Variants in OTUD4 observed in about 807,000 individuals in gnomAD.
The protein encoded by OTUD4 is OTU domain-containing protein 4.
A neutral mutation model predicts 130.4 loss-of-function variants in OTUD4; 24 were observed. The ratio of observed to expected loss-of-function variants is 0.18; its 90% CI spans 0.13 to 0.26. The LOEUF is 0.26. OTUD4 is among the 10% of genes least tolerant of loss of function. The pLI, the probability that OTUD4 is intolerant of heterozygous loss-of-function variation, is 1.00. For synonymous variants in OTUD4, 420 were observed against 472.5 expected (o/e 0.89, Z 1.44); for missense variants, 1,031 against 1,329.4 (o/e 0.78, Z 3.49).
At chr4:145,158,265 A>T (rs1356697785) in intron 7 of OTUD4, among the ~76,000 whole-genome samples, 2 of 152,122 alleles carry the variant, frequency 1.3e-5, no homozygotes, top group East Asian at 1.9e-4. Context: ...GGGTGATCAC[A>T]AGGTCAGGAG....
At chr4:145,167,914 A>G (rs1751957837) in intron 3 of OTUD4, among the ~76,000 whole-genome samples, 1 of 152,180 alleles carries the variant, frequency 6.6e-6, no homozygotes, top group South Asian at 2.1e-4. Flanking sequence ...CTACATGAGA[A>G]TAATGTACTT....
rs1369349888 is a variant in OTUD4 at position 145,139,983 on chromosome 4, T to C, written c.2092A>G (p.Ile698Val). The C allele has an allele frequency of 2.5e-6, 2 of 806,530 alleles. No homozygotes were observed. The allele number at this position is 806,530 out of a possible 1,614,324, so 50.0% of individuals were successfully genotyped here. A position where few individuals can be genotyped will look rare whatever the true frequency, so the allele number is the denominator to read the frequency against. ...CCAAGATTGAAGAAGAATCGAAGAATATTCTTATCTAAAAATAAAAGTAAT... is the reference window on the plus strand; with the variant it reads ...CCAAGATTGAAGAAGAATCGAAGAACATTCTTATCTAAAAATAAAAGTAAT... The part of the protein sequence containing the change: ...TGEDLPKDKN[I>V]LRFFFNLGVK... The change falls in exon 20 of 21, where the codon ATT becomes GTT. Residue 698 changes from isoleucine (I) to valine (V), a missense_variant. By Grantham distance (29) the Ile-to-Val change is conservative (BLOSUM62 3). Transcript: ENST00000447906.
At chr4:145,153,583 C>T (rs920525552) in intron 10 of OTUD4, among the ~76,000 whole-genome samples, 2 of 152,058 alleles carry the variant, frequency 1.3e-5, no homozygotes, top group Non-Finnish European at 2.9e-5. Flanking sequence ...GATTTTTATC[C>T]CTAAAAATAG....
intron 3 of OTUD4, among the ~76,000 whole-genome samples, chr4:145,165,829 G>A (rs893470598): frequency 2.6e-5 from 4 of 152,122 alleles, no homozygotes; most frequent in East Asian, 1.9e-4. Flanking sequence ...GCCCTCAGGA[G>A]AGCGCCTGGC....
intron 20 of OTUD4, among the ~76,000 whole-genome samples, chr4:145,139,043 A>G (rs767150870): frequency 6.6e-6 from 1 of 152,184 alleles, no homozygotes; most frequent in African/African-American, 2.4e-5. Context: ...ATGATCTCCA[A>G]TGTCAGGACT....
At chr4:145,173,158 G>C (rs762967089) in intron 2 of OTUD4, among the ~76,000 whole-genome samples, 1 of 152,144 alleles carries the variant, frequency 6.6e-6, no homozygotes, top group African/African-American at 2.4e-5. Flanking sequence ...TTGGGAGGCC[G>C]GGGCAGGCAG....
chr4:145,179,015 G>A (rs185473259), intron 1 of OTUD4, among the ~76,000 whole-genome samples: 1 of 151,950 alleles, frequency 6.6e-6, no homozygotes, highest in Non-Finnish European at 1.5e-5. Context: ...ATGGGTTTTG[G>A]TGACTGCACA....
At chr4:145,156,448 C>T (rs1425301166) in intron 7 of OTUD4, among the ~76,000 whole-genome samples, 1 of 152,198 alleles carries the variant, frequency 6.6e-6, no homozygotes, top group African/African-American at 2.4e-5. Context: ...CTTTGGGAGG[C>T]ACAGGCAGGC....
At chr4:145,170,651 G>A (rs187525087) in intron 3 of OTUD4, 1 of 152,294 alleles carries the variant, frequency 6.6e-6, no homozygotes, top group Non-Finnish European at 1.5e-5. Flanking sequence ...AGGGTGACTA[G>A]GAATTCTTGG....
rs36226188 is a variant in OTUD4 at position 145,152,044 on chromosome 4, A to C, written c.968+497T>G. Among the ~76,000 whole-genome samples the C allele has an allele frequency of 6.1e-3, 922 of 152,342 alleles. 10 individuals are homozygous for C. The highest frequency in any genetic ancestry group is 0.022 in the African/African-American group (895 of 41,568). Reference sequence around the variant, plus strand: ...TTAAACAGTAAGCAACAAAACAAATAATCTTCATTTAAAGTTTGACAATGT... The same window carrying C: ...TTAAACAGTAAGCAACAAAACAAATCATCTTCATTTAAAGTTTGACAATGT... On this transcript the variant is annotated intron_variant, in intron 11 of 20. Transcript: ENST00000447906.
chr4:145,144,165 T>C, intron 15 of OTUD4, 146 bp downstream of exon 15: 11 of 1,035,378 alleles, frequency 1.1e-5, no homozygotes, highest in African/African-American at 1.6e-5. Context: ...TTAGCTTGAG[T>C]CAATACTTCT....
At chr4:145,165,341 C>T (rs1751795738) in intron 3 of OTUD4, 144 bp from the exon 4 acceptor site, 2 of 531,300 alleles carry the variant, frequency 3.8e-6, no homozygotes, top group Non-Finnish European at 3.4e-6. Flanking sequence ...ATTATAAAAA[C>T]GTTTATATAA....
intron 14 of OTUD4, among the ~76,000 whole-genome samples, chr4:145,145,713 T>C (rs759825669): frequency 2.0e-5 from 3 of 152,190 alleles, no homozygotes; most frequent in Non-Finnish European, 2.9e-5. Context: ...ACATACTTCA[T>C]TCTACATGAG....
chr4:145,151,592 G>A (rs938510428), intron 11 of OTUD4, among the ~76,000 whole-genome samples: 3 of 152,040 alleles, frequency 2.0e-5, no homozygotes, highest in Admixed American at 6.5e-5. Flanking sequence ...CCAAAATTGC[G>A]CCATTGCACT....
Position 145,150,730 on chromosome 4 carries a change from T to A in OTUD4, c.1073-31A>T, listed in dbSNP as rs781352159. On this transcript the variant is annotated intron_variant, in intron 12 of 20. Transcript: ENST00000447906. ...GTAAGAACCCAAAAGTACATGATAATATTCATATTATAAACAATCCCAAGT... is the reference window on the plus strand; with the variant it reads ...GTAAGAACCCAAAAGTACATGATAAAATTCATATTATAAACAATCCCAAGT... The A allele has an allele frequency of 1.9e-6, 3 of 1,607,520 alleles. No homozygotes were observed. The South Asian group carries it at 3.3e-5, about 18-fold the overall frequency.
chr4:145,176,061 C>T (rs896735261), intron 1 of OTUD4, among the ~76,000 whole-genome samples: 1 of 146,798 alleles, frequency 6.8e-6, no homozygotes, highest in African/African-American at 2.5e-5. Context: ...TTTTCCGGCT[C>T]ATTTTTCTAT....
intron 6 of OTUD4, among the ~76,000 whole-genome samples, chr4:145,160,005 T>A (rs1751480927): frequency 6.6e-6 from 1 of 152,230 alleles, no homozygotes; most frequent in Non-Finnish European, 1.5e-5. Flanking sequence ...ATCCTTACGT[T>A]TAATTCCAGC....
rs1236182493 is a variant in OTUD4 at position 145,134,490 on chromosome 4, CA to C, written c.*2939del. ...AGGAACTTTATTGCACCAAGTCAAT[CA>C]TAAGCAAGTTTGCAGTTCACAGGCA... On this transcript the variant is annotated 3_prime_UTR_variant, in exon 21 of 21. Transcript: ENST00000447906. 2 of 389,284 alleles carry C rather than the reference CA, an allele frequency of 5.1e-6. No homozygotes were observed. Among genetic ancestry groups the C allele is most frequent in the African/African-American group, 4.1e-5 (2 of 48,480 alleles). 24.1% of individuals were successfully genotyped at this position (389,284 alleles called of 1,614,324 possible). A position where few individuals can be genotyped will look rare whatever the true frequency, so the allele number is the denominator to read the frequency against.
chr4:145,139,728 C>A (rs1750464575), intron 20 of OTUD4, among the ~76,000 whole-genome samples: 1 of 152,148 alleles, frequency 6.6e-6, no homozygotes, highest in African/African-American at 2.4e-5. Context: ...CTTAAATATA[C>A]TCACAGGTTA....
Sources: gnomAD v4.1 joint callset for allele counts (sites outside exome capture counted in the v4.1 genomes callset) on GRCh38, gnomAD v4.1.1 for gene constraint, MANE v1.5 for transcripts, NCBI Gene and HGNC (gene_info 2026-07-23, HGNC 2026-07-21) for gene names.